CEP112: variants seen among roughly 807,000 people sequenced by gnomAD.
CEP112 encodes centrosomal protein of 112 kDa.
In CEP112, 127 loss-of-function variants were observed where a neutral mutation model predicts 153.0. That is an observed-to-expected ratio of 0.83 (90% CI 0.72 to 0.96). The LOEUF is 0.96. Ranked by LOEUF, CEP112 falls within the 40% of genes least tolerant of loss-of-function variation. The probability of loss-of-function intolerance (pLI) is 0.00; values close to 1 mark genes in which losing one functional copy is unlikely to be tolerated. For missense variants in CEP112, 1,089 were observed against 1,101.2 expected (o/e 0.99, Z 0.16); for synonymous variants, 358 against 374.4 (o/e 0.96, Z 0.51).
At chr17:66,125,871 G>A (rs7218666) in intron 6 of CEP112, among the ~76,000 whole-genome samples, 7,965 of 152,176 alleles carry the variant, frequency 0.052, 296 homozygotes, top group African/African-American at 0.085. Context: ...CAAGAGTAAG[G>A]ATAACATAAT....
At chr17:65,907,274 C>T (rs148482161) in intron 19 of CEP112, among the ~76,000 whole-genome samples, 35 of 152,184 alleles carry the variant, frequency 2.3e-4, no homozygotes, top group African/African-American at 7.7e-4. Context: ...AATGATCATG[C>T]CCATGTTCAA....
intron 23 of CEP112, among the ~76,000 whole-genome samples, chr17:65,698,218 C>T (rs1342101868): frequency 6.6e-6 from 1 of 152,144 alleles, no homozygotes; most frequent in Non-Finnish European, 1.5e-5. Flanking sequence ...GTTGTTGCTG[C>T]GACAAACCAC....
intron 17 of CEP112, among the ~76,000 whole-genome samples, chr17:65,999,197 CT>C (rs34483996): frequency 1.3e-3 from 178 of 131,956 alleles, no homozygotes; most frequent in East Asian, 4.5e-3. Flanking sequence ...TTACTAAATT[CT>C]TTTTTTTTTT....
intron 4 of CEP112, among the ~76,000 whole-genome samples, chr17:66,134,683 G>A (rs2146562880): frequency 6.6e-6 from 1 of 152,244 alleles, no homozygotes; most frequent in South Asian, 2.1e-4. Flanking sequence ...GTCGGGCATG[G>A]TGGTACATGC....
intron 8 of CEP112, among the ~76,000 whole-genome samples, chr17:66,093,498 A>G (rs2068222441): frequency 6.6e-6 from 1 of 152,044 alleles, no homozygotes; most frequent in South Asian, 2.1e-4. Context: ...AGAATACAAA[A>G]TCAACATACA....
intron 24 of CEP112, among the ~76,000 whole-genome samples, chr17:65,658,797 A>C (rs1388730201): frequency 6.6e-6 from 1 of 152,060 alleles, no homozygotes; most frequent in Non-Finnish European, 1.5e-5. Flanking sequence ...AGAAGAAGGA[A>C]GCAGAAGCAG....
intron 21 of CEP112, among the ~76,000 whole-genome samples, chr17:65,754,798 C>T (rs67271173): frequency 0.24 from 37,206 of 151,928 alleles, 4,710 homozygotes; most frequent in South Asian, 0.34. Flanking sequence ...TGAAACAGAG[C>T]CACTGAAGGG....
intron 21 of CEP112, among the ~76,000 whole-genome samples, chr17:65,770,860 T>C (rs2053306426): frequency 8.2e-6 from 1 of 121,304 alleles, no homozygotes; most frequent in Admixed American, 8.6e-5. Context: ...AGAAATAAAA[T>C]AAAATGTTAA....
At chr17:65,880,152 A>G (rs560233044) in intron 20 of CEP112, among the ~76,000 whole-genome samples, 1 of 152,188 alleles carries the variant, frequency 6.6e-6, no homozygotes, top group Non-Finnish European at 1.5e-5. Flanking sequence ...AATACAGTTG[A>G]TTTTGTATAC....
At chr17:65,791,309 G>A (rs922089455) in intron 21 of CEP112, among the ~76,000 whole-genome samples, 1 of 152,206 alleles carries the variant, frequency 6.6e-6, no homozygotes, top group African/African-American at 2.4e-5. Context: ...TAGGAAAGAT[G>A]ATGCCAGAGT....
Position 65,957,271 on chromosome 17 carries a change from A to C in CEP112, c.1872+4192T>G, listed in dbSNP as rs963165292. ...TAAAACGCTAAAAAAGAAAAAGTCA[A>C]AATATAGCTGTCATATAATTTGTTA... On this transcript the variant is annotated intron_variant, in intron 18 of 26. Coordinates refer to ENST00000535342, the MANE Select transcript of CEP112 (RefSeq NM_001199165.4). Among the ~76,000 whole-genome samples, 5 of 152,220 alleles carry C rather than the reference A, an allele frequency of 3.3e-5. No individual in the cohort carries two copies. The South Asian group carries it at 1.0e-3, about 31-fold the overall frequency.
chr17:65,809,391 TTGTTGTACAAATGAAC>T (rs1198122389), intron 21 of CEP112, among the ~76,000 whole-genome samples: 2 of 152,200 alleles, frequency 1.3e-5, no homozygotes, highest in Non-Finnish European at 2.9e-5. Flanking sequence ...ACAGATTTGA[TTGTTGTACAAATGAAC>T]TGTTGGAGGA....
rs186864940 is a variant in CEP112 at position 65,853,605 on chromosome 17, T to C, written c.2164-1571A>G. Reference sequence around the variant, plus strand: ...TTAGCTGGGCATGGTGGTGGGCACCTGTAATCCCAGCTGCTCGGAAGGCGG... The same window carrying C: ...TTAGCTGGGCATGGTGGTGGGCACCCGTAATCCCAGCTGCTCGGAAGGCGG... On this transcript the variant is annotated intron_variant, in intron 20 of 26. Coordinates refer to ENST00000535342, the MANE Select transcript of CEP112 (RefSeq NM_001199165.4). 3.1e-3 allele frequency among the ~76,000 whole-genome samples: 479 copies of C among 152,070 alleles called. 3 individuals are homozygous for C. Among genetic ancestry groups the C allele is most frequent in the African/African-American group, 0.011 (455 of 41,486 alleles).
At position 65,837,336 on chromosome 17, in the gene CEP112, G is replaced by A. The variant is rs547145952; in HGVS notation, c.2394+14468C>T. Among the ~76,000 whole-genome samples, 39 of 151,344 alleles carry A rather than the reference G, an allele frequency of 2.6e-4. No individual in the cohort carries two copies. The East Asian group carries it at 3.3e-3, about 13-fold the overall frequency. On this transcript the variant is annotated intron_variant, in intron 21 of 26. Transcript: ENST00000535342. ...AAGTGAGGAGCGCCTCTTCCTGGCC[G>A]TCATCCCGTCTAGGAAGTGAGGAGC...
intron 20 of CEP112, 36 bp downstream of exon 20, chr17:65,902,114 AAC>A: frequency 1.3e-6 from 2 of 1,522,808 alleles, no homozygotes; most frequent in African/African-American, 1.4e-5. Context: ...ACTTTTTAAA[AAC>A]AGATACCCGT....
At chr17:66,058,099 A>C (rs957551578) in intron 11 of CEP112, among the ~76,000 whole-genome samples, 3 of 151,966 alleles carry the variant, frequency 2.0e-5, no homozygotes, top group African/African-American at 7.2e-5. Flanking sequence ...AAAAAAACAA[A>C]AAAAAAAACT....
At chr17:65,988,760 TCTC>T (rs1211278743) in intron 17 of CEP112, among the ~76,000 whole-genome samples, 2 of 151,682 alleles carry the variant, frequency 1.3e-5, no homozygotes, top group South Asian at 2.1e-4. Flanking sequence ...GAAAAAAAGA[TCTC>T]CTACAAGATA....
At chr17:65,727,115 C>G (rs1195234269) in intron 23 of CEP112, among the ~76,000 whole-genome samples, 1 of 152,196 alleles carries the variant, frequency 6.6e-6, no homozygotes, top group Non-Finnish European at 1.5e-5. Context: ...AAATGGGGCA[C>G]GAGCCTGCTG....
intron 24 of CEP112, among the ~76,000 whole-genome samples, chr17:65,659,847 T>C (rs761579762): frequency 2.6e-5 from 4 of 152,170 alleles, no homozygotes; most frequent in Non-Finnish European, 4.4e-5. Context: ...GTAACTCCTA[T>C]GTGGGATAAT....
Sources: allele counts gnomAD v4.1 joint callset (sites outside exome capture counted in the v4.1 genomes callset), GRCh38; gene constraint gnomAD v4.1.1; transcripts MANE v1.5; gene names NCBI Gene and HGNC (gene_info 2026-07-23, HGNC 2026-07-21).